COL20A1: variants seen among roughly 807,000 people sequenced by gnomAD.
The protein encoded by COL20A1 is collagen type XX alpha 1 chain.
COL20A1 carries 164 observed loss-of-function variants against 152.9 expected under a neutral mutation model. The observed-to-expected ratio is 1.07, with a 90% CI of 0.94 to 1.22. The LOEUF is 1.22. COL20A1 is among the 50% of genes most tolerant of loss of function. The pLI, the probability that COL20A1 is intolerant of heterozygous loss-of-function variation, is 0.00. For synonymous variants in COL20A1, 864 were observed against 756.0 expected, an observed-to-expected ratio of 1.14 and a Z score of -2.34; for missense variants, 1,873 against 1,744.8, an observed-to-expected ratio of 1.07 and a Z score of -1.31.
At position 63,309,352 on chromosome 20, in the gene COL20A1, GGCTGA is replaced by G; in HGVS notation, c.967_971del (p.Leu323AlafsTer91). On this transcript the variant is annotated frameshift_variant, in exon 9 of 36. Transcript: ENST00000358894. LOFTEE classifies it high-confidence loss of function. The stretch of plus-strand genomic sequence containing the variant: ...GAGCAGGTGTGAAGAACGCCGATGA[GGCTGA>G]GCTGAGGCTCCTGGCGTCCCCGCCG... 6.6e-7 allele frequency: 1 copy of G among 1,520,668 alleles called. No homozygotes were observed. Among genetic ancestry groups the G allele is most frequent in the Non-Finnish European group, 8.9e-7 (1 of 1,127,950 alleles). 94.2% of individuals were successfully genotyped at this position (1,520,668 alleles called of 1,614,324 possible).
At position 63,305,278 on chromosome 20, in the gene COL20A1, C is replaced by A; in HGVS notation, c.194-139C>A. On this transcript the variant is annotated intron_variant, in intron 3 of 35. Coordinates refer to ENST00000358894, the MANE Select transcript of COL20A1 (RefSeq NM_020882.4). The surrounding 1 kb of genome is among the most constrained non-coding windows in gnomAD (Gnocchi z 4.9). ...GGAGCCCATGTCCCTTCCATCAGAC[C>A]CTCTCCCTTTCTGTCTCTCTGGCTT... The A allele has an allele frequency of 1.6e-6, 1 of 612,802 alleles. No homozygotes were observed. Among genetic ancestry groups the A allele is most frequent in the Non-Finnish European group, 2.6e-6 (1 of 385,238 alleles). The allele number at this position is 612,802 out of a possible 1,614,324, so 38.0% of individuals were successfully genotyped here. A position where few individuals can be genotyped will look rare whatever the true frequency, so the allele number is the denominator to read the frequency against.
At chr20:63,329,356 C>G (rs555552008) in intron 34 of COL20A1, 127 of 577,220 alleles carry the variant, frequency 2.2e-4, no homozygotes, top group African/African-American at 2.2e-3. Flanking sequence ...CCCCACCTGA[C>G]GCCTTCCCAC....
At chr20:63,320,518 C>G (rs1357749511) in intron 25 of COL20A1, 150 bp downstream of exon 25, 7 of 790,682 alleles carry the variant, frequency 8.9e-6, no homozygotes, top group Non-Finnish European at 1.0e-5. Context: ...GCCTCAGGGC[C>G]AGTGGATGAG....
In COL20A1 at chr20:63,325,431, C is replaced by A; in HGVS notation, c.3295-10C>A. 6.2e-7 allele frequency: 1 copy of A among 1,609,952 alleles called. No individual in the cohort carries two copies. The highest frequency in any genetic ancestry group is 8.5e-7 in the Non-Finnish European group (1 of 1,176,884). On this transcript the variant is annotated splice_polypyrimidine_tract_variant and intron_variant, in intron 27 of 35. Transcript: ENST00000358894. ...TCCGCTTCGCTGTCCAGCCCATCTT[C>A]CCCCTCCAGGGTCCACCAGGGGTCA...
intron 21 of COL20A1, among the ~76,000 whole-genome samples, chr20:63,318,180 G>C (rs2068109059): frequency 6.6e-6 from 1 of 152,132 alleles, no homozygotes; most frequent in Non-Finnish European, 1.5e-5. Context: ...TGGTTCTCCA[G>C]GTGCGGCCAC....
chr20:63,313,985 T>C lies in COL20A1; in HGVS notation c.2359-87T>C. ...TCTGCGAAGGGTGGCAGCTCTGCCATGGCGGGACGCAGAGGGAGGCAGCTG... is the reference window on the plus strand; with the variant it reads ...TCTGCGAAGGGTGGCAGCTCTGCCACGGCGGGACGCAGAGGGAGGCAGCTG... On this transcript the variant is annotated intron_variant, in intron 18 of 35. Coordinates refer to ENST00000358894, the MANE Select transcript of COL20A1 (RefSeq NM_020882.4). This position sits in a 1 kb window ranked among gnomAD's most constrained non-coding sequence, Gnocchi z 5.9. 1 of 1,600,938 alleles carries C rather than the reference T, an allele frequency of 6.2e-7. No individual in the cohort carries two copies. The highest frequency in any genetic ancestry group is 8.5e-7 in the Non-Finnish European group (1 of 1,173,682).
At chr20:63,327,835 C>T (rs993203139) in intron 31 of COL20A1, 117 bp from the exon 32 acceptor site, 18 of 1,056,344 alleles carry the variant, frequency 1.7e-5, no homozygotes, top group East Asian at 7.8e-5. Context: ...GCTTTCACAC[C>T]GCCACTGTGG....
intron 8 of COL20A1, 76 bp downstream of exon 8, chr20:63,308,782 T>C (rs1037372222): frequency 1.0e-5 from 13 of 1,301,236 alleles, no homozygotes; most frequent in South Asian, 1.5e-5. Flanking sequence ...GGAGCTTGCA[T>C]TGGGCACCTG....
rs750316242 is a variant in COL20A1, at chr20:63,295,206, T to C, written c.82+17T>C. The C allele has an allele frequency of 5.2e-6, 8 of 1,534,546 alleles. No individual in the cohort carries two copies. Among genetic ancestry groups the C allele is most frequent in the Non-Finnish European group, 7.1e-6 (8 of 1,133,018 alleles). ...AAGTTCAAGGTAAGGACACTGGCAG[T>C]GGGCCCCTGCTTGCCCCGAGGCCAC... On this transcript the variant is annotated intron_variant, in intron 2 of 35. Transcript: ENST00000358894.
At chr20:63,295,304 G>A (rs894793408) in intron 2 of COL20A1, 115 bp downstream of exon 2, 19 of 671,242 alleles carry the variant, frequency 2.8e-5, no homozygotes, top group South Asian at 5.6e-5. Flanking sequence ...AGTTGAATGC[G>A]TGCTGAATTC....
At chr20:63,312,688 T>G in intron 15 of COL20A1, 104 bp from the exon 16 acceptor site, 1 of 1,454,090 alleles carries the variant, frequency 6.9e-7, no homozygotes, top group East Asian at 2.3e-5. Context: ...CCCGGACGGG[T>G]GTGATGGATG....
At chr20:63,320,901 C>T (rs1418701978) in intron 25 of COL20A1, 112 bp from the exon 26 acceptor site, 14 of 780,124 alleles carry the variant, frequency 1.8e-5, no homozygotes, top group South Asian at 5.2e-5. Flanking sequence ...CTCCCAGGTG[C>T]GGGTCTGGAA....
intron 35 of COL20A1, 55 bp downstream of exon 35, chr20:63,329,716 G>A (rs2068307225): frequency 1.5e-6 from 2 of 1,334,768 alleles, no homozygotes; most frequent in Non-Finnish European, 2.0e-6. Context: ...CCAGGAAGGA[G>A]GAGCTCCTGA....
chr20:63,320,980 T>C, intron 25 of COL20A1, 33 bp from the exon 26 acceptor site: 1 of 1,475,542 alleles, frequency 6.8e-7, no homozygotes, highest in Non-Finnish European at 9.3e-7. Flanking sequence ...AGGGAGAGGG[T>C]CTCTCTAATG....
chr20:63,297,199 G>T lies in COL20A1; in HGVS notation c.83-711G>T, dbSNP rs373321067. ...CTGGCAGTGACCTTGGCAGCTAGGG[G>T]TCTGCAGCTGCATGGCCACTTGTCC... On this transcript the variant is annotated intron_variant, in intron 2 of 35. Coordinates refer to ENST00000358894, the MANE Select transcript of COL20A1 (RefSeq NM_020882.4). Among the ~76,000 whole-genome samples, 8 of 152,346 alleles carry T rather than the reference G, an allele frequency of 5.3e-5. No individual in the cohort carries two copies. The East Asian group carries it at 1.4e-3, about 26-fold the overall frequency.
At position 63,313,535 on chromosome 20, in the gene COL20A1, TGTG is replaced by T. The variant is rs902705947; in HGVS notation, c.2210-206_2210-204del. ...GTGAGGGCCCTGGCAGGTGGCGTGG[TGTG>T]GGTGTGGTGGGGTGCGGTGTGGGCA... is the stretch of plus-strand genomic sequence containing the variant. On this transcript the variant is annotated intron_variant, in intron 17 of 35. Coordinates refer to ENST00000358894, the MANE Select transcript of COL20A1 (RefSeq NM_020882.4). The surrounding 1 kb of genome is among the most constrained non-coding windows in gnomAD (Gnocchi z 5.9). 1.3e-4 allele frequency among the ~76,000 whole-genome samples: 20 copies of T among 151,538 alleles called. No homozygotes were observed. Among genetic ancestry groups the T allele is most frequent in the Admixed American group, 3.3e-4 (5 of 15,236 alleles).
rs1009392707 is a variant in COL20A1, at chr20:63,320,102, C to T, written c.2980C>T (p.Arg994Trp). 13 of 1,552,998 alleles carry T rather than the reference C, an allele frequency of 8.4e-6. No homozygotes were observed. The highest frequency in any genetic ancestry group is 1.9e-5 in the Admixed American group (1 of 51,368). ...TGTGGACTGCCGGAAGGTGGCTGAG[C>T]GGCCCCTTGGGGAGATGGGCAGCCC... ...LYVDCRKVAE[R>W]PLGEMGSPPA... Residue 994 changes from arginine to tryptophan, a missense_variant, in exon 24 of 36, where the codon CGG (arginine) becomes TGG (tryptophan). Arg to Trp is a moderately radical substitution (Grantham distance 101). Transcript: ENST00000358894.
intron 2 of COL20A1, among the ~76,000 whole-genome samples, chr20:63,295,720 G>A (rs1568760410): frequency 6.6e-6 from 1 of 152,264 alleles, no homozygotes; most frequent in Non-Finnish European, 1.5e-5. Context: ...GCCCATGGCA[G>A]CAAAGGGAAA....
chr20:63,306,016 CA>C lies in COL20A1; in HGVS notation c.475del (p.Ser159AlafsTer60), dbSNP rs760897679. 1.6e-5 allele frequency: 25 copies of C among 1,612,190 alleles called. No individual in the cohort carries two copies. In the African/African-American group the frequency reaches 3.3e-4, roughly 22 times the overall value. ...QASEPQVAFT[P>X]SQDPRTPAGP... ...TCTGAGCCCCAAGTTGCCTTCACACCAAGCCAGGATCCGCGCACTCCTGGTG... is the reference window on the plus strand; with the variant it reads ...TCTGAGCCCCAAGTTGCCTTCACACCAGCCAGGATCCGCGCACTCCTGGTG... On this transcript the variant is annotated frameshift_variant, in exon 5 of 36. Coordinates refer to ENST00000358894, the MANE Select transcript of COL20A1 (RefSeq NM_020882.4). LOFTEE classifies it high-confidence loss of function. This position sits in a 1 kb window ranked among gnomAD's most constrained non-coding sequence, Gnocchi z 6.9.
Sources: allele counts gnomAD v4.1 joint callset (sites outside exome capture counted in the v4.1 genomes callset), GRCh38; gene constraint gnomAD v4.1.1; non-coding constraint Gnocchi (gnomAD v3.1); transcripts MANE v1.5; gene names NCBI Gene and HGNC (gene_info 2026-07-23, HGNC 2026-07-21).